The following ADGRE5 variants were observed in gnomAD, a reference collection of about 807,000 sequenced individuals.
The protein encoded by ADGRE5 is CD97 molecule.
ADGRE5 carries 72 observed loss-of-function variants against 100.3 expected under a neutral mutation model. That is an observed-to-expected ratio of 0.72 (90% CI 0.59 to 0.87). The LOEUF is 0.87. Ranked by LOEUF, ADGRE5 falls within the 40% of genes least tolerant of loss-of-function variation. The probability of loss-of-function intolerance (pLI) is 0.00; values close to 1 mark genes in which losing one functional copy is unlikely to be tolerated. For missense variants in ADGRE5, 959 were observed against 1,094.7 expected (o/e 0.88, Z 1.75); for synonymous variants, 439 against 447.8 (o/e 0.98, Z 0.25).
chr19:14,383,462 G>A (rs1975231653), intron 1 of ADGRE5, among the ~76,000 whole-genome samples: 1 of 141,302 alleles, frequency 7.1e-6, no homozygotes, highest in African/African-American at 2.7e-5. Context: ...CTGAGATCAC[G>A]CCACTGCACT....
At chr19:14,393,769 G>A (rs560188033) in intron 4 of ADGRE5, among the ~76,000 whole-genome samples, 1 of 152,318 alleles carries the variant, frequency 6.6e-6, no homozygotes, top group East Asian at 1.9e-4. Flanking sequence ...GAGCCCAGAA[G>A]GAGGCTTCTG....
chr19:14,407,801 GACAAAC>G, intron 18 of ADGRE5, 101 bp from the exon 19 acceptor site: 1 of 945,894 alleles, frequency 1.1e-6, no homozygotes, highest in Non-Finnish European at 1.6e-6. Context: ...TCAAAAAAAA[GACAAAC>G]ACAAAAACAC....
chr19:14,388,891 G>A (rs1046818216), intron 3 of ADGRE5, 73 bp downstream of exon 3: 89 of 1,376,742 alleles, frequency 6.5e-5, no homozygotes, highest in Non-Finnish European at 8.7e-5. Flanking sequence ...GGGGACAGAG[G>A]TTGTTGTGAG....
chr19:14,393,179 C>A (rs1463830463), intron 4 of ADGRE5, among the ~76,000 whole-genome samples: 1 of 146,246 alleles, frequency 6.8e-6, no homozygotes, highest in Non-Finnish European at 1.5e-5. Flanking sequence ...CCAGCCTGGG[C>A]AACAGAGCGA....
intron 9 of ADGRE5, among the ~76,000 whole-genome samples, chr19:14,400,630 A>T (rs1042262443): frequency 1.3e-5 from 2 of 151,980 alleles, no homozygotes; most frequent in African/African-American, 4.8e-5. Flanking sequence ...CGTCTCTAAA[A>T]TAACAAAAAA....
At chr19:14,404,770 C>G (rs1976155526) in intron 13 of ADGRE5, 2 of 533,778 alleles carry the variant, frequency 3.7e-6, no homozygotes, top group African/African-American at 2.0e-5. Context: ...GGTGCAGCCA[C>G]TAGCTCCGCT....
chr19:14,407,212 T>C lies in ADGRE5; in HGVS notation c.2359T>C (p.Cys787Arg). Residue 787 changes from cysteine to arginine, a missense_variant, in exon 18 of 20, where the codon TGC (cysteine) becomes CGC (arginine). By Grantham distance (180) the Cys-to-Arg change is radical (BLOSUM62 -3). Transcript: ENST00000242786. Reference protein sequence around the residue: ...LQGAFLYLLHCLLNKKVREEY... With the variant: ...LQGAFLYLLHRLLNKKVREEY... Reference sequence around the variant, plus strand: ...GGGCGCCTTCCTCTACCTGCTGCACTGCCTGCTCAACAAGAAGGTGGGGGC... The same window carrying C: ...GGGCGCCTTCCTCTACCTGCTGCACCGCCTGCTCAACAAGAAGGTGGGGGC... 1 of 1,613,850 alleles carries C rather than the reference T, an allele frequency of 6.2e-7. No individual in the cohort carries two copies. The highest frequency in any genetic ancestry group is 8.5e-7 in the Non-Finnish European group (1 of 1,179,908).
At chr19:14,391,189 G>C (rs1259594008) in intron 4 of ADGRE5, 110 bp downstream of exon 4, 1 of 1,423,634 alleles carries the variant, frequency 7.0e-7, no homozygotes, top group Non-Finnish European at 9.7e-7. Flanking sequence ...TCAGTGCCTG[G>C]CGTCTGAGAT....
intron 3 of ADGRE5, among the ~76,000 whole-genome samples, chr19:14,389,212 A>AGAGG (rs2146350007): frequency 3.5e-5 from 1 of 28,952 alleles, no homozygotes; most frequent in East Asian, 9.0e-4. Context: ...GGGTAGGGGG[A>AGAGG]GGGAGAAGGG....
In ADGRE5 at chr19:14,405,744, C is replaced by T. The variant is rs1225462818; in HGVS notation, c.1630-4C>T. 2 of 1,610,310 alleles carry T rather than the reference C, an allele frequency of 1.2e-6. No individual in the cohort carries two copies. Among genetic ancestry groups the T allele is most frequent in the Non-Finnish European group, 1.7e-6 (2 of 1,177,816 alleles). ...GAACCCTGAGCACCCGGTGCCACTC[C>T]TAGGACTGGAAGCTGACCCTGATCA... On this transcript the variant is annotated splice_polypyrimidine_tract_variant and splice_region_variant and intron_variant, in intron 13 of 19. Coordinates refer to ENST00000242786, the MANE Select transcript of ADGRE5 (RefSeq NM_078481.4).
chr19:14,407,275 A>T, intron 18 of ADGRE5, 46 bp downstream of exon 18: 2 of 1,602,860 alleles, frequency 1.2e-6, no homozygotes, highest in East Asian at 2.2e-5. Flanking sequence ...CCTCCCACCT[A>T]TTTGGGAGGC....
In ADGRE5 at chr19:14,406,874, T is replaced by C. The variant is rs750306722; in HGVS notation, c.2121T>C (p.Asn707=). 9.3e-6 allele frequency: 15 copies of C among 1,614,096 alleles called. No individual in the cohort carries two copies. Among genetic ancestry groups the C allele is most frequent in the Middle Eastern group, 1.6e-4 (1 of 6,062 alleles). ...ACAATCTGCTCCCTGCCCAGTGCAATGCTGTCATTTTCGTGACTACCGTCT... is the reference window on the plus strand; with the variant it reads ...ACAATCTGCTCCCTGCCCAGTGCAACGCTGTCATTTTCGTGACTACCGTCT... The part of the protein sequence containing the change: ...LGPVTFIILC[N]AVIFVTTVWK... The change falls in exon 17 of 20, where the codon AAT becomes AAC. Residue 707 remains asparagine, a synonymous_variant. Transcript: ENST00000242786. This position sits in a 1 kb window ranked among gnomAD's most constrained non-coding sequence, Gnocchi z 6.0.
Position 14,390,943 on chromosome 19 carries a change from A to G in ADGRE5, c.210A>G (p.Thr70=). ...ETCDDINECA[T]PSKVSCGKFS... is the part of the protein sequence containing the mutation. ...TTCCAGACATCAACGAGTGTGCAAC[A>G]CCGTCGAAAGTGTCATGCGGAAAAT... Residue 70 remains threonine, a synonymous_variant, in exon 4 of 20, where the codon ACA becomes ACG. Transcript: ENST00000242786. The G allele has an allele frequency of 1.2e-6, 2 of 1,614,200 alleles. No individual in the cohort carries two copies. The highest frequency in any genetic ancestry group is 1.7e-6 in the Non-Finnish European group (2 of 1,180,042).
rs1166212203 is a variant in ADGRE5, at chr19:14,407,070, C to T, written c.2217C>T (p.Thr739=). 5.6e-6 allele frequency: 9 copies of T among 1,614,116 alleles called. No individual in the cohort carries two copies. Among genetic ancestry groups the T allele is most frequent in the Admixed American group, 1.7e-5 (1 of 60,030 alleles). Residue 739 remains threonine, a synonymous_variant, in exon 18 of 20, where the codon ACC becomes ACT. Coordinates refer to ENST00000242786, the MANE Select transcript of ADGRE5 (RefSeq NM_078481.4). The part of the protein sequence containing the change: ...MKKLKKARAL[T]ITAIAQLFLL... ...ACCCCGCTCCTCGCAGGGCGCTGAC[C>T]ATCACGGCCATCGCGCAGCTCTTCC...
intron 4 of ADGRE5, among the ~76,000 whole-genome samples, chr19:14,395,823 G>A (rs1975755436): frequency 1.3e-5 from 2 of 152,176 alleles, no homozygotes; most frequent in South Asian, 4.1e-4. Flanking sequence ...TGCATCGCGG[G>A]GGCACTGGCT....
At chr19:14,391,325 G>A in intron 4 of ADGRE5, 1 of 554,760 alleles carries the variant, frequency 1.8e-6, no homozygotes, top group Non-Finnish European at 3.2e-6. Context: ...CGTTGGCCAG[G>A]ATACTTATTC....
At position 14,396,424 on chromosome 19, in the gene ADGRE5, G is replaced by C. The variant is rs1489454982; in HGVS notation, c.429G>C (p.Gln143His). 1 of 1,614,306 alleles carries C rather than the reference G, an allele frequency of 6.2e-7. No individual in the cohort carries two copies. Reference protein sequence around the residue: ...CVNTLGSYTCQCLPGFKFIPE... With the variant: ...CVNTLGSYTCHCLPGFKFIPE... ...ACACCCTTGGCAGCTATACCTGCCA[G>C]TGCCTGCCTGGCTTCAAGTTCATAC... is the stretch of plus-strand genomic sequence containing the variant. The change falls in exon 5 of 20, where the codon CAG becomes CAC. Residue 143 changes from glutamine to histidine, a missense_variant. Physicochemically the swap from Gln to His is conservative, Grantham distance 24 (BLOSUM62 0). Coordinates refer to ENST00000242786, the MANE Select transcript of ADGRE5 (RefSeq NM_078481.4).
Position 14,406,256 on chromosome 19 carries a change from G to C in ADGRE5, c.1822-75G>C. 8.3e-7 allele frequency: 1 copy of C among 1,200,084 alleles called. No homozygotes were observed. Among genetic ancestry groups the C allele is most frequent in the Non-Finnish European group, 1.2e-6 (1 of 866,078 alleles). The allele number at this position is 1,200,084 out of a possible 1,614,324, so 74.3% of individuals were successfully genotyped here. ...TGGTCCCGCCCACTCTCGGGACCTG[G>C]CAGGCGACTGGCTCTGGCGCCGCAT... On this transcript the variant is annotated intron_variant, in intron 14 of 19. Transcript: ENST00000242786. This position sits in a 1 kb window ranked among gnomAD's most constrained non-coding sequence, Gnocchi z 6.0.
chr19:14,406,083 A>AC lies in ADGRE5; in HGVS notation c.1821+146dup. On this transcript the variant is annotated intron_variant, in intron 14 of 19. Transcript: ENST00000242786. This position sits in a 1 kb window ranked among gnomAD's most constrained non-coding sequence, Gnocchi z 6.0. ...CCCTGTCCGGGATCTGGCCCCGCCC[A>AC]CCGGGGGGTCGGGTTGTCTCTTTAA... 2.6e-6 allele frequency: 2 copies of AC among 771,508 alleles called. No homozygotes were observed. The highest frequency in any genetic ancestry group is 4.0e-6 in the Non-Finnish European group (2 of 493,950). The allele number at this position is 771,508 out of a possible 1,614,324, so 47.8% of individuals were successfully genotyped here. A position where few individuals can be genotyped will look rare whatever the true frequency, so the allele number is the denominator to read the frequency against.
Sources: gnomAD v4.1 joint callset for allele counts (sites outside exome capture counted in the v4.1 genomes callset) on GRCh38, gnomAD v4.1.1 for gene constraint, Gnocchi (gnomAD v3.1) non-coding constraint, MANE v1.5 for transcripts, NCBI Gene and HGNC (gene_info 2026-07-23, HGNC 2026-07-21) for gene names.